COIL: variants seen among roughly 807,000 people sequenced by gnomAD.
COIL encodes the protein coilin, also known as coilin p80.
COIL carries 28 observed loss-of-function variants against 51.6 expected under a neutral mutation model. The ratio of observed to expected loss-of-function variants is 0.54; its 90% CI spans 0.40 to 0.74. COIL has a LOEUF of 0.74. COIL is among the 30% of genes least tolerant of loss of function. The probability of loss-of-function intolerance (pLI) is 0.00; values close to 1 mark genes in which losing one functional copy is unlikely to be tolerated. For synonymous variants in COIL, 233 were observed against 255.8 expected (o/e 0.91, Z 0.85); for missense variants, 667 against 685.9 (o/e 0.97, Z 0.31).
chr17:56,944,402 C>T (rs1910204837), intron 5 of COIL, among the ~76,000 whole-genome samples: 1 of 151,846 alleles, frequency 6.6e-6, no homozygotes, highest in Non-Finnish European at 1.5e-5. Flanking sequence ...ACCGTCCTGG[C>T]TAACACAGTG....
At chr17:56,955,155 C>T (rs1910459001) in intron 1 of COIL, among the ~76,000 whole-genome samples, 1 of 152,186 alleles carries the variant, frequency 6.6e-6, no homozygotes, top group Non-Finnish European at 1.5e-5. Context: ...ACCTCCTCCC[C>T]TTGGGTTCAA....
intron 4 of COIL, among the ~76,000 whole-genome samples, chr17:56,948,266 C>T (rs2144396659): frequency 6.6e-6 from 1 of 151,532 alleles, no homozygotes; most frequent in South Asian, 2.1e-4. Context: ...TCCTGAGTAG[C>T]TGGGACTACA....
chr17:56,947,076 G>A (rs1297030218), intron 4 of COIL, among the ~76,000 whole-genome samples: 3 of 152,154 alleles, frequency 2.0e-5, no homozygotes, highest in Non-Finnish European at 2.9e-5. Context: ...TGCATCAAGA[G>A]GATGCACTGC....
At chr17:56,955,909 T>C (rs1388100771) in intron 1 of COIL, among the ~76,000 whole-genome samples, 1 of 152,100 alleles carries the variant, frequency 6.6e-6, no homozygotes. Context: ...ACAAAAAAAA[T>C]ACAAGAATAT....
At chr17:56,948,270 G>T (rs533966948) in intron 4 of COIL, among the ~76,000 whole-genome samples, 1 of 151,742 alleles carries the variant, frequency 6.6e-6, no homozygotes, top group South Asian at 2.1e-4. Context: ...GAGTAGCTGG[G>T]ACTACAGGCA....
chr17:56,938,993 T>TAAAA lies in COIL; in HGVS notation c.*74_*77dup. On this transcript the variant is annotated 3_prime_UTR_variant, in exon 7 of 7. Coordinates refer to ENST00000240316, the MANE Select transcript of COIL (RefSeq NM_004645.3). ...ATCCATACAACTTCCAAATCCTCTT[T>TAAAA]AAAAAAAAAAAAAAGTTTGGGTTAT... 1 of 622,744 alleles carries TAAAA rather than the reference T, an allele frequency of 1.6e-6. No individual in the cohort carries two copies. The highest frequency in any genetic ancestry group is 2.6e-6 in the Non-Finnish European group (1 of 378,014). The allele number at this position is 622,744 out of a possible 1,614,324, so 38.6% of individuals were successfully genotyped here. A position where few individuals can be genotyped will look rare whatever the true frequency, so the allele number is the denominator to read the frequency against.
chr17:56,956,586 T>G (rs1910488254), intron 1 of COIL, among the ~76,000 whole-genome samples: 1 of 152,046 alleles, frequency 6.6e-6, no homozygotes, highest in Non-Finnish European at 1.5e-5. Context: ...TGTGTTTTTT[T>G]GTTCGTTTGT....
At chr17:56,952,791 TTGTGTG>T (rs145341247) in intron 1 of COIL, among the ~76,000 whole-genome samples, 12 of 149,012 alleles carry the variant, frequency 8.1e-5, no homozygotes, top group African/African-American at 1.2e-4. Context: ...GAGTGAGTAT[TTGTGTG>T]TGTGTGTGTG....
intron 5 of COIL, among the ~76,000 whole-genome samples, chr17:56,944,210 G>A (rs1256799948): frequency 6.6e-6 from 1 of 152,104 alleles, no homozygotes; most frequent in Non-Finnish European, 1.5e-5. Context: ...TGATCAGGCT[G>A]TATGCACAGA....
At chr17:56,947,362 T>C (rs1910270147) in intron 4 of COIL, among the ~76,000 whole-genome samples, 1 of 152,124 alleles carries the variant, frequency 6.6e-6, no homozygotes, top group Non-Finnish European at 1.5e-5. Flanking sequence ...TAGGACCAAT[T>C]TTCATTCTTA....
At chr17:56,944,944 G>C (rs563526961) in intron 5 of COIL, among the ~76,000 whole-genome samples, 3 of 152,264 alleles carry the variant, frequency 2.0e-5, no homozygotes, top group East Asian at 3.9e-4. Context: ...GCGAACCTGG[G>C]AGGCAGAGCT....
chr17:56,946,440 A>AT lies in COIL; in HGVS notation c.1558+1_1558+2insA. ...TTTCAAATTATTTTCTAAAAGACTC[A>AT]CCAGGTAAGGATGAAAGAATTTCTA... On this transcript the variant is annotated splice_donor_variant, in intron 5 of 6. Transcript: ENST00000240316. LOFTEE classifies it high-confidence loss of function. The AT allele has an allele frequency of 6.3e-7, 1 of 1,593,446 alleles. No homozygotes were observed. Among genetic ancestry groups the AT allele is most frequent in the Non-Finnish European group, 8.6e-7 (1 of 1,162,186 alleles).
Position 56,950,993 on chromosome 17 carries a change from A to G in COIL, c.249T>C (p.Val83=). ...RLVRDNDCLR[V]KLEERGVAEN... is the part of the protein sequence containing the mutation. ...CAGCAACTCCTCTCTCTTCTAATTT[A>G]ACTCTGTCAAAAGAACAAGAGAGAA... Residue 83 remains valine (V), a synonymous_variant, in exon 2 of 7, where the codon GTT becomes GTC. Coordinates refer to ENST00000240316, the MANE Select transcript of COIL (RefSeq NM_004645.3). 6.3e-7 allele frequency: 1 copy of G among 1,596,520 alleles called. No individual in the cohort carries two copies. Among genetic ancestry groups the G allele is most frequent in the Non-Finnish European group, 8.5e-7 (1 of 1,176,820 alleles).
intron 4 of COIL, among the ~76,000 whole-genome samples, chr17:56,948,736 TTAAG>T (rs1439975939): frequency 1.3e-5 from 2 of 150,524 alleles, no homozygotes; most frequent in African/African-American, 4.9e-5. Flanking sequence ...CATACAGATA[TTAAG>T]TAAGTAAATT....
chr17:56,960,347 A>C (rs542888383), intron 1 of COIL, among the ~76,000 whole-genome samples: 1 of 147,324 alleles, frequency 6.8e-6, no homozygotes, highest in Non-Finnish European at 1.5e-5. Context: ...AATATGGTGA[A>C]ACCCCATCTC....
chr17:56,955,225 T>C (rs1347864138), intron 1 of COIL, among the ~76,000 whole-genome samples: 1 of 152,138 alleles, frequency 6.6e-6, no homozygotes, highest in Non-Finnish European at 1.5e-5. Context: ...CCACCACGCC[T>C]GGCTAACTTT....
chr17:56,952,791 TTGTGTGTGTG>T (rs145341247), intron 1 of COIL, among the ~76,000 whole-genome samples: 4 of 148,918 alleles, frequency 2.7e-5, no homozygotes, highest in African/African-American at 7.4e-5. Context: ...GAGTGAGTAT[TTGTGTGTGTG>T]TGTGTGTGTG....
At chr17:56,944,996 G>A (rs1024337574) in intron 5 of COIL, among the ~76,000 whole-genome samples, 5 of 151,852 alleles carry the variant, frequency 3.3e-5, no homozygotes, top group Non-Finnish European at 5.9e-5. Context: ...CAGCCTGGGC[G>A]ACAGCAACAC....
At chr17:56,944,475 C>G (rs1380477812) in intron 5 of COIL, among the ~76,000 whole-genome samples, 2 of 151,292 alleles carry the variant, frequency 1.3e-5, no homozygotes, top group African/African-American at 4.9e-5. Flanking sequence ...GCCTGTAGTC[C>G]CAGCTGCTCG....
Sources: allele counts gnomAD v4.1 joint callset (sites outside exome capture counted in the v4.1 genomes callset), GRCh38; gene constraint gnomAD v4.1.1; transcripts MANE v1.5; gene names NCBI Gene and HGNC (gene_info 2026-07-23, HGNC 2026-07-21).